The following DYNC2I1 variants were observed in gnomAD, a reference collection of about 807,000 sequenced individuals.
DYNC2I1 encodes the protein cytoplasmic dynein 2 intermediate chain 1.
A neutral mutation model predicts 133.4 loss-of-function variants in DYNC2I1; 89 were observed. The ratio of observed to expected loss-of-function variants is 0.67; its 90% confidence interval spans 0.56 to 0.80. The LOEUF (loss-of-function observed/expected upper bound fraction) is 0.80. DYNC2I1 is among the 30% of genes least tolerant of loss of function. The pLI, the probability that DYNC2I1 is intolerant of heterozygous loss-of-function variation, is 0.00. For missense variants in DYNC2I1, 1,291 were observed against 1,314.5 expected (o/e 0.98, Z 0.28); for synonymous variants, 504 against 484.3 (o/e 1.04, Z -0.54).
At chr7:158,874,552 T>C (rs925364045) in intron 3 of DYNC2I1, among the ~76,000 whole-genome samples, 1 of 152,238 alleles carries the variant, frequency 6.6e-6, no homozygotes. Context: ...GGAAAGACTT[T>C]TGAAAACTGA....
At chr7:158,954,874 G>A (rs1033594521) in intron 4 of DYNC2I1, among the ~76,000 whole-genome samples, 3 of 152,026 alleles carry the variant, frequency 2.0e-5, no homozygotes, top group African/African-American at 7.2e-5. Flanking sequence ...ATCCTTTCTG[G>A]TGGAAGGCGG....
intron 7 of DYNC2I1, among the ~76,000 whole-genome samples, chr7:158,888,823 T>C (rs907185693): frequency 2.6e-5 from 4 of 152,172 alleles, no homozygotes; most frequent in Admixed American, 1.3e-4. Context: ...ACAAACATAA[T>C]TTTACATAAA....
At chr7:158,857,498 C>A (rs1841386799) in intron 1 of DYNC2I1, among the ~76,000 whole-genome samples, 1 of 150,332 alleles carries the variant, frequency 6.7e-6, no homozygotes, top group Non-Finnish European at 1.5e-5. Flanking sequence ...TTGAATAATA[C>A]TCCTTAATTT....
chr7:158,884,739 TC>T, intron 6 of DYNC2I1, 120 bp downstream of exon 6: 10 of 944,260 alleles, frequency 1.1e-5, no homozygotes, highest in Non-Finnish European at 1.5e-5. Flanking sequence ...TAGATATACT[TC>T]ATTTTCTCTA....
At chr7:158,915,544 G>C (rs200032103) in intron 14 of DYNC2I1, among the ~76,000 whole-genome samples, 487 of 54,542 alleles carry the variant, frequency 8.9e-3, no homozygotes, top group Admixed American at 0.01. Context: ...CCTCGACACG[G>C]TGGTTGAGAT....
At chr7:158,952,847 G>A (rs1336110423) in intron 4 of DYNC2I1, among the ~76,000 whole-genome samples, 2 of 151,076 alleles carry the variant, frequency 1.3e-5, no homozygotes, top group East Asian at 3.9e-4. Context: ...ACTCTCCTCA[G>A]CACCCTTCAG....
chr7:158,950,081 T>C (rs1449945419), downstream of DYNC2I1, among the ~76,000 whole-genome samples: 1 of 150,630 alleles, frequency 6.6e-6, no homozygotes, highest in Non-Finnish European at 1.5e-5. Context: ...AAGTCGAGCG[T>C]TTTTAAAATT....
chr7:158,948,780 G>A (rs889465477), downstream of DYNC2I1, among the ~76,000 whole-genome samples: 2 of 152,158 alleles, frequency 1.3e-5, no homozygotes, highest in Non-Finnish European at 2.9e-5. Flanking sequence ...GTCCAGTCGC[G>A]GCTGTGGTTT....
rs192631191 is a variant in DYNC2I1 at position 158,880,353 on chromosome 7, A to G, written c.879+364A>G. Among the ~76,000 whole-genome samples the G allele has an allele frequency of 5.0e-3, 762 of 152,238 alleles. 4 individuals carry two copies. The highest frequency in any genetic ancestry group is 0.017 in the African/African-American group (717 of 41,534). On this transcript the variant is annotated intron_variant, in intron 5 of 24. Coordinates refer to ENST00000407559, the MANE Select transcript of DYNC2I1 (RefSeq NM_018051.5). ...GGAGTTCGAGACCAGCCTGACCAAC[A>G]TGGTGAAACCCCGTCTCTACTAAAA...
At chr7:158,894,329 A>G (rs1200447193) in intron 8 of DYNC2I1, among the ~76,000 whole-genome samples, 33 of 152,320 alleles carry the variant, frequency 2.2e-4, no homozygotes, top group Non-Finnish European at 1.5e-5. Flanking sequence ...AAAAAACAAA[A>G]TCCAAAGTAG....
chr7:158,934,088 G>T, intron 21 of DYNC2I1, 41 bp from the exon 22 acceptor site: 1 of 1,378,852 alleles, frequency 7.3e-7, no homozygotes, highest in South Asian at 1.2e-5. Flanking sequence ...CTTAAGGTTG[G>T]AAACAGTCCA....
rs112566424 is a variant in DYNC2I1 at position 158,943,342 on chromosome 7, C to A, written c.3002+1194C>A. 1.0e-2 allele frequency among the ~76,000 whole-genome samples: 1,516 copies of A among 152,286 alleles called. 29 individuals carry two copies. Among genetic ancestry groups the A allele is most frequent in the African/African-American group, 0.034 (1,418 of 41,560 alleles). ...TACCCAGCACCGACTGTGTGCCTGG[C>A]GGCCGGGGCTCCACACCCTGAGATC... On this transcript the variant is annotated intron_variant, in intron 24 of 24. Transcript: ENST00000407559.
chr7:158,869,736 T>G (rs1269951489), intron 1 of DYNC2I1, 119 bp from the exon 2 acceptor site: 1 of 715,272 alleles, frequency 1.4e-6, no homozygotes, highest in African/African-American at 1.8e-5. Context: ...TAGAGAAGTA[T>G]TTTCTGGCAT....
intron 1 of DYNC2I1, among the ~76,000 whole-genome samples, chr7:158,861,243 G>T (rs1382313461): frequency 6.6e-6 from 1 of 152,184 alleles, no homozygotes; most frequent in Non-Finnish European, 1.5e-5. Context: ...TCTTTGAAAA[G>T]ATATCAGAAA....
downstream of DYNC2I1, among the ~76,000 whole-genome samples, chr7:158,958,191 C>G (rs568106177): frequency 1.3e-5 from 2 of 152,324 alleles, no homozygotes; most frequent in South Asian, 4.1e-4. Flanking sequence ...GCCACAGCCT[C>G]GTCCCTACTT....
At chr7:158,941,271 T>A (rs1250274429) in intron 23 of DYNC2I1, among the ~76,000 whole-genome samples, 2 of 152,226 alleles carry the variant, frequency 1.3e-5, no homozygotes, top group Admixed American at 6.5e-5. Context: ...AACCATATTA[T>A]TGACACAAAT....
chr7:158,895,794 T>A (rs1458009553), intron 8 of DYNC2I1, among the ~76,000 whole-genome samples: 1 of 152,250 alleles, frequency 6.6e-6, no homozygotes, highest in East Asian at 1.9e-4. Context: ...TAGTTCTTTG[T>A]TTTTGCTTAG....
At chr7:158,859,920 A>C (rs1056934422) in intron 1 of DYNC2I1, among the ~76,000 whole-genome samples, 7 of 152,250 alleles carry the variant, frequency 4.6e-5, no homozygotes, top group African/African-American at 1.7e-4. Context: ...CCCATGGGTC[A>C]TTAGAATCTA....
downstream of DYNC2I1, among the ~76,000 whole-genome samples, chr7:158,957,778 G>A (rs1852236715): frequency 6.6e-6 from 1 of 152,218 alleles, no homozygotes. Context: ...CTCCATAACA[G>A]CGCTCCTAGG....
Sources: allele counts gnomAD v4.1 joint callset (sites outside exome capture counted in the v4.1 genomes callset), GRCh38; gene constraint gnomAD v4.1.1; transcripts MANE v1.5; gene names NCBI Gene and HGNC (gene_info 2026-07-23, HGNC 2026-07-21).